The following KIFC1 variants were observed in gnomAD, a reference collection of about 807,000 sequenced individuals.
KIFC1 encodes kinesin-like protein KIFC1.
A neutral mutation model predicts 66.6 loss-of-function variants in KIFC1; 37 were observed. The ratio of observed to expected loss-of-function variants is 0.56; its 90% CI spans 0.43 to 0.73. The LOEUF (loss-of-function observed/expected upper bound fraction) is 0.73, where lower values mean the gene tolerates loss of function less well. Among genes scored for constraint, KIFC1 ranks in the 30% least tolerant of loss-of-function variants. The pLI, the probability that KIFC1 is intolerant of heterozygous loss-of-function variation, is 0.00. For missense variants in KIFC1, 721 were observed against 859.8 expected (o/e 0.84, Z 2.02); for synonymous variants, 325 against 343.5 (o/e 0.95, Z 0.60).
chr6:33,409,566 T>C (rs182515709), intron 10 of KIFC1, 80 bp from the exon 11 acceptor site: 100 of 1,376,076 alleles, frequency 7.3e-5, no homozygotes, highest in Non-Finnish European at 9.3e-5. Context: ...AGCCCTAGCA[T>C]TGGAGGATGG....
chr6:33,405,431 C>T lies in KIFC1; in HGVS notation c.1336C>T (p.Gln446Ter). 2 of 1,603,894 alleles carry T rather than the reference C, an allele frequency of 1.2e-6. No homozygotes were observed. Among genetic ancestry groups the T allele is most frequent in the Non-Finnish European group, 1.7e-6 (2 of 1,173,660 alleles). Reference protein sequence around the residue: ...RALRHLFSVAQELSGQGWTYS... With the variant: ...RALRHLFSVA The stretch of plus-strand genomic sequence containing the variant: ...CCTGCGGCACCTCTTCTCTGTGGCT[C>T]AGGAGCTGAGTGGTCAGGGCTGGAC... Residue 446 changes from glutamine to a stop codon, truncating the protein, a stop_gained, in exon 7 of 11, where the codon CAG becomes TAG. Transcript: ENST00000428849. LOFTEE classifies it high-confidence loss of function. This position sits in a 1 kb window ranked among gnomAD's most constrained non-coding sequence, Gnocchi z 5.4.
chr6:33,403,342 C>T lies in KIFC1; in HGVS notation c.279C>T (p.Pro93=). 1 of 1,613,938 alleles carries T rather than the reference C, an allele frequency of 6.2e-7. No homozygotes were observed. The highest frequency in any genetic ancestry group is 8.5e-7 in the Non-Finnish European group (1 of 1,180,022). The change falls in exon 4 of 11, where the codon CCC becomes CCT. Residue 93 remains proline (P), a synonymous_variant. Coordinates refer to ENST00000428849, the MANE Select transcript of KIFC1 (RefSeq NM_002263.4). The surrounding 1 kb of genome is among the most constrained non-coding windows in gnomAD (Gnocchi z 4.6). The part of the protein sequence containing the change: ...TAQKVSKKTG[P]RCSTAIATGL... ...AAAAAGTTTCCAAGAAGACAGGACC[C>T]CGGTGTTCCACAGCTATTGCCACAG...
rs578076258 is a variant in KIFC1 at position 33,403,442 on chromosome 6, A to G, written c.305-43A>G. 1 of 1,610,340 alleles carries G rather than the reference A, an allele frequency of 6.2e-7. No individual in the cohort carries two copies. The highest frequency in any genetic ancestry group is 1.1e-5 in the South Asian group (1 of 91,012). On this transcript the variant is annotated intron_variant, in intron 4 of 10. Transcript: ENST00000428849. The surrounding 1 kb of genome is among the most constrained non-coding windows in gnomAD (Gnocchi z 4.6). ...AAGGGAGAATGATGGAGGTGGAGGG[A>G]CACTGGTCCTGTAATTCCTAAGTCA...
At chr6:33,397,928 C>G (rs1347521630) in intron 1 of KIFC1, 101 bp from the exon 2 acceptor site, 1 of 1,265,286 alleles carries the variant, frequency 7.9e-7, no homozygotes, top group Middle Eastern at 2.1e-4. Flanking sequence ...GTGCTCAGTG[C>G]TTGGTGGTGG....
At chr6:33,402,040 T>A (rs1039041746) in intron 3 of KIFC1, among the ~76,000 whole-genome samples, 1 of 152,166 alleles carries the variant, frequency 6.6e-6, no homozygotes, top group Non-Finnish European at 1.5e-5. Flanking sequence ...TGAGGCTGTT[T>A]TATAGTTAAC....
chr6:33,392,390 T>A (rs1175250684), intron 1 of KIFC1, among the ~76,000 whole-genome samples: 1 of 152,250 alleles, frequency 6.6e-6, no homozygotes, highest in East Asian at 1.9e-4. Flanking sequence ...ACATGGTGTC[T>A]GAGGCCACAT....
At chr6:33,395,402 CGAGTCCAGGATTTGGT>C (rs1774984060) in intron 1 of KIFC1, among the ~76,000 whole-genome samples, 1 of 151,938 alleles carries the variant, frequency 6.6e-6, no homozygotes, top group South Asian at 2.1e-4. Context: ...GAGGATTTGG[CGAGTCCAGGATTTGGT>C]GAGGAGGGAT....
In KIFC1 at chr6:33,404,789, C is replaced by T; in HGVS notation, c.757-63C>T. On this transcript the variant is annotated intron_variant, in intron 6 of 10. Transcript: ENST00000428849. This position sits in a 1 kb window ranked among gnomAD's most constrained non-coding sequence, Gnocchi z 4.0. ...ACTTCCACCCACTCCATACGCCCCA[C>T]AGTTTGTTCTTCTTCTTGGTTGCAT... The T allele has an allele frequency of 6.7e-7, 1 of 1,489,356 alleles. No homozygotes were observed. Among genetic ancestry groups the T allele is most frequent in the South Asian group, 1.3e-5 (1 of 77,840 alleles). The allele number at this position is 1,489,356 out of a possible 1,614,324, so 92.3% of individuals were successfully genotyped here.
Position 33,404,829 on chromosome 6 carries a change from A to ATGTTG in KIFC1, c.757-18_757-14dup. 1 of 1,577,026 alleles carries ATGTTG rather than the reference A, an allele frequency of 6.3e-7. No homozygotes were observed. Among genetic ancestry groups the ATGTTG allele is most frequent in the Non-Finnish European group, 8.6e-7 (1 of 1,159,510 alleles). ...CTTGGTTGCATCTTACCCTCTGTGT[A>ATGTTG]TGTTGTGTTCTCTTCTGGGCAGAGG... On this transcript the variant is annotated intron_variant, in intron 6 of 10. Coordinates refer to ENST00000428849, the MANE Select transcript of KIFC1 (RefSeq NM_002263.4). This position sits in a 1 kb window ranked among gnomAD's most constrained non-coding sequence, Gnocchi z 4.0.
Position 33,400,576 on chromosome 6 carries a change from G to A in KIFC1, c.250+2189G>A, listed in dbSNP as rs1435198362. 14 of 1,247,444 alleles carry A rather than the reference G, an allele frequency of 1.1e-5. No individual in the cohort carries two copies. Among genetic ancestry groups the A allele is most frequent in the East Asian group, 2.4e-5 (1 of 41,570 alleles). The allele number at this position is 1,247,444 out of a possible 1,614,324, so 77.3% of individuals were successfully genotyped here. On this transcript the variant is annotated intron_variant, in intron 3 of 10. Transcript: ENST00000428849. This position sits in a 1 kb window ranked among gnomAD's most constrained non-coding sequence, Gnocchi z 4.3. Reference sequence around the variant, plus strand: ...TGGCATGGTGGAGGCAGCTGGTGTCGGATGAACCCAGATTCAGGATGACCG... The same window carrying A: ...TGGCATGGTGGAGGCAGCTGGTGTCAGATGAACCCAGATTCAGGATGACCG...
chr6:33,407,622 T>G (rs1775724301), intron 10 of KIFC1, among the ~76,000 whole-genome samples: 1 of 152,242 alleles, frequency 6.6e-6, no homozygotes, highest in African/African-American at 2.4e-5. Context: ...ATTTTTCAGT[T>G]ACATCTAACT....
chr6:33,406,207 G>T lies in KIFC1; in HGVS notation c.1548G>T (p.Leu516=), dbSNP rs1735149115. The T allele has an allele frequency of 1.2e-6, 2 of 1,605,534 alleles. No homozygotes were observed. Among genetic ancestry groups the T allele is most frequent in the Non-Finnish European group, 1.7e-6 (2 of 1,173,888 alleles). ...PVSCEKEVDA[L]LHLARQNRAV... ...GCTCCCATCCCCAGGTGGACGCCCT[G>T]CTTCATCTGGCCCGCCAGAATCGGG... The change falls in exon 8 of 11, where the codon CTG becomes CTT. Residue 516 remains leucine, a synonymous_variant. Coordinates refer to ENST00000428849, the MANE Select transcript of KIFC1 (RefSeq NM_002263.4). This position sits in a 1 kb window ranked among gnomAD's most constrained non-coding sequence, Gnocchi z 4.5.
rs1442238732 is a variant in KIFC1, at chr6:33,400,318, G to A, written c.250+1931G>A. On this transcript the variant is annotated intron_variant, in intron 3 of 10. Transcript: ENST00000428849. This position sits in a 1 kb window ranked among gnomAD's most constrained non-coding sequence, Gnocchi z 4.3. ...TGGTTTCTTGAGGGCTTTGATGATC[G>A]GGGCAGAGGCAGAAGGCACCACCTC... 9 of 1,582,196 alleles carry A rather than the reference G, an allele frequency of 5.7e-6. No individual in the cohort carries two copies. The highest frequency in any genetic ancestry group is 2.2e-5 in the South Asian group (2 of 90,646).
In KIFC1 at chr6:33,403,696, CACTG is replaced by C; in HGVS notation, c.356-30_356-27del. On this transcript the variant is annotated intron_variant, in intron 5 of 10. Coordinates refer to ENST00000428849, the MANE Select transcript of KIFC1 (RefSeq NM_002263.4). The surrounding 1 kb of genome is among the most constrained non-coding windows in gnomAD (Gnocchi z 4.6). ...GAGGAGGGATAGAGAGCCTAGACTT[CACTG>C]ACCTTTGTCCTTTCTGTGTTCATCT... 6.2e-7 allele frequency: 1 copy of C among 1,603,910 alleles called. No individual in the cohort carries two copies. The highest frequency in any genetic ancestry group is 8.5e-7 in the Non-Finnish European group (1 of 1,173,922).
rs1187921147 is a variant in KIFC1 at position 33,406,501 on chromosome 6, G to A, written c.1827+15G>A. ...TGAGCAACAAGGTGGGAATGGGAGTGGGGTGAGATACGGGACCTGGGGGAC... is the reference window on the plus strand; with the variant it reads ...TGAGCAACAAGGTGGGAATGGGAGTAGGGTGAGATACGGGACCTGGGGGAC... On this transcript the variant is annotated intron_variant, in intron 8 of 10. Coordinates refer to ENST00000428849, the MANE Select transcript of KIFC1 (RefSeq NM_002263.4). The surrounding 1 kb of genome is among the most constrained non-coding windows in gnomAD (Gnocchi z 4.5). The A allele has an allele frequency of 3.1e-6, 5 of 1,604,282 alleles. No homozygotes were observed. Among genetic ancestry groups the A allele is most frequent in the East Asian group, 2.2e-5 (1 of 44,804 alleles).
intron 10 of KIFC1, 109 bp from the exon 11 acceptor site, chr6:33,409,537 T>G: frequency 9.1e-7 from 1 of 1,104,440 alleles, no homozygotes; most frequent in Non-Finnish European, 1.4e-6. Flanking sequence ...GGAGGCCTTA[T>G]TTCGGTATTT....
intron 1 of KIFC1, 46 bp downstream of exon 1, chr6:33,392,043 A>C (rs172435): frequency 0.89 from 1,437,436 of 1,607,774 alleles, 643,775 homozygotes; most frequent in East Asian, 1. Flanking sequence ...ATGGGGACGA[A>C]GGCTGACCGC....
Position 33,406,854 on chromosome 6 carries a change from C to T in KIFC1, c.1956C>T (p.Asn652=), listed in dbSNP as rs765719932. The change falls in exon 10 of 11, where the codon AAC becomes AAT. Residue 652 remains asparagine (N), a synonymous_variant. Transcript: ENST00000428849. The surrounding 1 kb of genome is among the most constrained non-coding windows in gnomAD (Gnocchi z 4.5). ...PLEENVSESL[N]SLRFASKVNQ... is the part of the protein sequence containing the mutation. Reference sequence around the variant, plus strand: ...AAGAGAACGTCTCCGAGTCCCTCAACTCTCTACGCTTTGCCTCCAAGGTGC... The same window carrying T: ...AAGAGAACGTCTCCGAGTCCCTCAATTCTCTACGCTTTGCCTCCAAGGTGC... 1.9e-6 allele frequency: 3 copies of T among 1,614,026 alleles called. No individual in the cohort carries two copies. Among genetic ancestry groups the T allele is most frequent in the African/African-American group, 2.7e-5 (2 of 74,902 alleles).
chr6:33,409,677 C>T lies in KIFC1; in HGVS notation c.2009C>T (p.Ala670Val). ...CAGTGTGTTATTGGTACTGCTCAGG[C>T]CAACAGGAAGTGAAGACGGATCCAG... Reference protein sequence around the residue: ...VNQCVIGTAQANRK With the variant: ...VNQCVIGTAQVNRK Residue 670 changes from alanine (A) to valine (V), a missense_variant, in exon 11 of 11, where the codon GCC becomes GTC. By Grantham distance (64) the Ala-to-Val change is moderately conservative. Coordinates refer to ENST00000428849, the MANE Select transcript of KIFC1 (RefSeq NM_002263.4). 2.5e-6 allele frequency: 4 copies of T among 1,607,360 alleles called. No homozygotes were observed. The highest frequency in any genetic ancestry group is 3.4e-6 in the Non-Finnish European group (4 of 1,178,218).
Sources: allele counts gnomAD v4.1 joint callset (sites outside exome capture counted in the v4.1 genomes callset), GRCh38; gene constraint gnomAD v4.1.1; non-coding constraint Gnocchi (gnomAD v3.1); transcripts MANE v1.5; gene names NCBI Gene and HGNC (gene_info 2026-07-23, HGNC 2026-07-21).